BRCA2: variants seen among roughly 807,000 people sequenced by gnomAD.
The protein encoded by BRCA2 is breast cancer type 2 susceptibility protein.
In BRCA2, 203 loss-of-function variants were observed where a neutral mutation model predicts 276.7. The observed-to-expected ratio is 0.73, with a 90% CI of 0.65 to 0.82. The LOEUF is 0.82. BRCA2 is among the 40% of genes least tolerant of loss of function. The pLI, the probability that BRCA2 is intolerant of heterozygous loss-of-function variation, is 0.00. For synonymous variants in BRCA2, 1,289 were observed against 1,338.4 expected, an observed-to-expected ratio of 0.96 and a Z score of 0.81; for missense variants, 3,920 against 3,915.0, an observed-to-expected ratio of 1.00 and a Z score of -0.03.
intron 16 of BRCA2, among the ~76,000 whole-genome samples, chr13:32,358,489 A>G (rs2137569233): frequency 6.8e-6 from 1 of 147,090 alleles, no homozygotes; most frequent in East Asian, 2.1e-4. Flanking sequence ...AAAAAAAAAA[A>G]AGAAAAAAGT....
intron 11 of BRCA2, among the ~76,000 whole-genome samples, chr13:32,341,584 G>C (rs1168429075): frequency 6.6e-6 from 1 of 152,216 alleles, no homozygotes; most frequent in Admixed American, 6.5e-5. Context: ...TACATAGCAA[G>C]TTCAGACTCT....
chr13:32,391,186 AG>A (rs1396270329), intron 24 of BRCA2, among the ~76,000 whole-genome samples: 1 of 152,186 alleles, frequency 6.6e-6, no homozygotes, highest in Non-Finnish European at 1.5e-5. Context: ...AACCTTTCTT[AG>A]GTTGGGAAAG....
Position 32,336,608 on chromosome 13 carries a change from T to G in BRCA2, c.2253T>G (p.Thr751=), listed in dbSNP as rs760593257. ...ATTCAAAAGTGGAATACAGTGATACTGACTTTCAATCCCAGAAAAGTCTTT... is the reference window on the plus strand; with the variant it reads ...ATTCAAAAGTGGAATACAGTGATACGGACTTTCAATCCCAGAAAAGTCTTT... The part of the protein sequence containing the change: ...VQHSKVEYSD[T]DFQSQKSLLY... Residue 751 remains threonine (T), a synonymous_variant, in exon 11 of 27, where the codon ACT becomes ACG. Coordinates refer to ENST00000380152, the MANE Select transcript of BRCA2 (RefSeq NM_000059.4). The G allele has an allele frequency of 3.1e-6, 5 of 1,614,002 alleles. No individual in the cohort carries two copies. In the African/African-American group the frequency reaches 6.7e-5, roughly 22 times the overall value.
chr13:32,375,288 T>A (rs2072863333), intron 20 of BRCA2: 3 of 384,118 alleles, frequency 7.8e-6, no homozygotes, highest in South Asian at 6.3e-5. Context: ...TTCAGTCACA[T>A]CTTCAGGCTT....
At chr13:32,386,392 A>G (rs954454851) in intron 24 of BRCA2, among the ~76,000 whole-genome samples, 1 of 152,226 alleles carries the variant, frequency 6.6e-6, no homozygotes, top group Non-Finnish European at 1.5e-5. Context: ...TGGGCCACAG[A>G]ACGAGACTGC....
Position 32,346,846 on chromosome 13 carries a change from A to G in BRCA2, c.6957A>G (p.Arg2319=), listed in dbSNP as rs398122573. 6.2e-7 allele frequency: 1 copy of G among 1,608,974 alleles called. No homozygotes were observed. The highest frequency in any genetic ancestry group is 8.5e-7 in the Non-Finnish European group (1 of 1,177,146). ...TCCTAGGCACAATAAAAGATCGAAG[A>G]TTGTTTATGCATCATGTTTCTTTAG... ...STPDGTIKDR[R]LFMHHVSLEP... Residue 2319 remains arginine (R), a synonymous_variant, in exon 13 of 27, where the codon AGA becomes AGG. Transcript: ENST00000380152.
At chr13:32,369,494 G>A (rs2072812498) in intron 18 of BRCA2, among the ~76,000 whole-genome samples, 5 of 152,162 alleles carry the variant, frequency 3.3e-5, no homozygotes, top group Admixed American at 3.3e-4. Flanking sequence ...CCTTGGGCAA[G>A]TTGTGTAGTT....
In BRCA2 at chr13:32,386,851, A is replaced by G. The variant is rs149294612; in HGVS notation, c.9256+6706A>G. ...CGCCGTGTATTTATTTGCTATAACA[A>G]AGAACCATAGACTGGGGGCTTAAAC... On this transcript the variant is annotated intron_variant, in intron 24 of 26. Transcript: ENST00000380152. Among the ~76,000 whole-genome samples the G allele has an allele frequency of 2.5e-3, 385 of 152,294 alleles. 2 individuals are homozygous for G. Among genetic ancestry groups the G allele is most frequent in the African/African-American group, 8.7e-3 (360 of 41,570 alleles).
Position 32,333,361 on chromosome 13 carries a change from C to T in BRCA2, c.1883C>T (p.Pro628Leu), listed in dbSNP as rs2137475977. ...TTTGAAGCAAATGCTTTTGAAGCAC[C>T]ACTTACATTTGCAAATGCTGATTCA... is the stretch of plus-strand genomic sequence containing the variant. ...AQFEANAFEA[P>L]LTFANADSGL... is the part of the protein sequence containing the mutation. The change falls in exon 10 of 27, where the codon CCA becomes CTA. Residue 628 changes from proline (P) to leucine (L), a missense_variant. By Grantham distance (98) the Pro-to-Leu change is moderately conservative. Transcript: ENST00000380152. 2 of 1,609,226 alleles carry T rather than the reference C, an allele frequency of 1.2e-6. No homozygotes were observed. The highest frequency in any genetic ancestry group is 1.7e-6 in the Non-Finnish European group (2 of 1,179,114).
At position 32,349,216 on chromosome 13, in the gene BRCA2, CAAAAAAAAAAA is replaced by C. The variant is rs55777417; in HGVS notation, c.7007+2333_7007+2343del. Among the ~76,000 whole-genome samples the C allele has an allele frequency of 0.37, 36,609 of 99,530 alleles. 5,187 individuals are homozygous for C. The highest frequency in any genetic ancestry group is 0.51 in the East Asian group (1,932 of 3,798). The allele number at this position is 99,530 out of a possible 152,430, so 65.3% of individuals were successfully genotyped here. ...TGGGTGACAGAGTGAGACTCTGTCT[CAAAAAAAAAAA>C]AAAAAAAAAAAAGATGGTGAATTGA... is the stretch of plus-strand genomic sequence containing the variant. On this transcript the variant is annotated intron_variant, in intron 13 of 26. Transcript: ENST00000380152.
chr13:32,346,883 T>C lies in BRCA2; in HGVS notation c.6994T>C (p.Cys2332Arg), dbSNP rs1474281591. 1.2e-6 allele frequency: 2 copies of C among 1,608,734 alleles called. No individual in the cohort carries two copies. Among genetic ancestry groups the C allele is most frequent in the South Asian group, 2.2e-5 (2 of 90,320 alleles). The change falls in exon 13 of 27, where the codon TGT becomes CGT. Residue 2332 changes from cysteine to arginine, a missense_variant. This residue lies in a region of BRCA2 where 3,263 missense variants were observed against 3,156.9 expected (regional missense o/e 1.03). Transcript: ENST00000380152. Reference protein sequence around the residue: ...MHHVSLEPITCVPFRTTKERQ... With the variant: ...MHHVSLEPITRVPFRTTKERQ... Reference sequence around the variant, plus strand: ...TCATGTTTCTTTAGAGCCGATTACCTGTGTACCCTTTCGGTAAGACATGTT... The same window carrying C: ...TCATGTTTCTTTAGAGCCGATTACCCGTGTACCCTTTCGGTAAGACATGTT...
intron 11 of BRCA2, among the ~76,000 whole-genome samples, chr13:32,343,551 G>A (rs574205095): frequency 6.6e-6 from 1 of 152,202 alleles, no homozygotes; most frequent in African/African-American, 2.4e-5. Flanking sequence ...AAAGTAGTAC[G>A]TTTATAGTAC....
intron 20 of BRCA2, chr13:32,375,475 G>A (rs1566250897): frequency 5.5e-6 from 2 of 365,546 alleles, no homozygotes; most frequent in African/African-American, 2.1e-5. Context: ...ATTTAGAATG[G>A]TGAATCCTTT....
At chr13:32,360,404 G>A (rs1009290133) in intron 16 of BRCA2, among the ~76,000 whole-genome samples, 1 of 152,164 alleles carries the variant, frequency 6.6e-6, no homozygotes, top group Non-Finnish European at 1.5e-5. Flanking sequence ...CTATTGCTCA[G>A]GCTGGAGTGC....
intron 11 of BRCA2, among the ~76,000 whole-genome samples, chr13:32,341,862 C>T (rs1046768338): frequency 5.7e-5 from 8 of 140,184 alleles, no homozygotes; most frequent in East Asian, 2.2e-4. Flanking sequence ...AGCGAGACTC[C>T]GTCTCAAAAA....
In BRCA2 at chr13:32,333,167, G is replaced by A. The variant is rs80358456; in HGVS notation, c.1689G>A (p.Trp563Ter). ...LCPNLIDNGS[W>*]PATTTQNSVA... Reference sequence around the variant, plus strand: ...CAAATTTAATTGATAATGGAAGCTGGCCAGCCACCACCACACAGAATTCTG... The same window carrying A: ...CAAATTTAATTGATAATGGAAGCTGACCAGCCACCACCACACAGAATTCTG... The change falls in exon 10 of 27, where the codon TGG becomes TGA. Residue 563 changes from tryptophan (W) to a stop codon, truncating the protein, a stop_gained. Transcript: ENST00000380152. LOFTEE classifies it high-confidence loss of function. 4.3e-6 allele frequency: 7 copies of A among 1,614,026 alleles called. No homozygotes were observed. The highest frequency in any genetic ancestry group is 5.1e-6 in the Non-Finnish European group (6 of 1,179,986).
intron 3 of BRCA2, 152 bp downstream of exon 3, chr13:32,319,477 G>T: frequency 1.3e-6 from 1 of 758,042 alleles, no homozygotes; most frequent in South Asian, 1.7e-5. Flanking sequence ...TGGAGACGAT[G>T]AAAATAATGT....
At chr13:32,330,869 T>G in intron 8 of BRCA2, 50 bp from the exon 9 acceptor site, 1 of 1,090,566 alleles carries the variant, frequency 9.2e-7, no homozygotes, top group Non-Finnish European at 1.4e-6. Flanking sequence ...TACTACTATA[T>G]GTGCATTGAG....
At chr13:32,319,951 A>G (rs1228745902) in intron 3 of BRCA2, among the ~76,000 whole-genome samples, 1 of 152,140 alleles carries the variant, frequency 6.6e-6, no homozygotes, top group African/African-American at 2.4e-5. Flanking sequence ...GAGAAGAAAG[A>G]GCAAATAGTA....
Sources: allele counts gnomAD v4.1 joint callset (sites outside exome capture counted in the v4.1 genomes callset), GRCh38; gene constraint gnomAD v4.1.1; regional missense constraint gnomAD v4.1.1; transcripts MANE v1.5; gene names NCBI Gene and HGNC (gene_info 2026-07-23, HGNC 2026-07-21).